ZNF438: variants seen among roughly 807,000 people sequenced by gnomAD.
The protein encoded by ZNF438 is zinc finger protein 438.
In ZNF438, 25 loss-of-function variants were observed where a neutral mutation model predicts 38.0. The ratio of observed to expected loss-of-function variants is 0.66; its 90% CI spans 0.48 to 0.92. The LOEUF is 0.92. ZNF438 is among the 40% of genes least tolerant of loss of function. The pLI is 0.00. For missense variants in ZNF438, 1,007 were observed against 999.6 expected (o/e 1.01, Z -0.10); for synonymous variants, 372 against 364.1 (o/e 1.02, Z -0.25).
chr10:30,918,672 C>T (rs566878538), intron 2 of ZNF438, among the ~76,000 whole-genome samples: 1 of 152,050 alleles, frequency 6.6e-6, no homozygotes, highest in African/African-American at 2.4e-5. Flanking sequence ...GTAAACAAGA[C>T]AAGAATTTCT....
At chr10:30,988,862 G>C (rs1444647445) in intron 1 of ZNF438, among the ~76,000 whole-genome samples, 1 of 152,004 alleles carries the variant, frequency 6.6e-6, no homozygotes, top group East Asian at 1.9e-4. Flanking sequence ...CTTTGGATAG[G>C]TTATGATGGC....
At chr10:30,863,596 T>C (rs2035936176) in intron 4 of ZNF438, among the ~76,000 whole-genome samples, 1 of 152,258 alleles carries the variant, frequency 6.6e-6, no homozygotes, top group Non-Finnish European at 1.5e-5. Context: ...GGAATATCTA[T>C]TCTCATCCAC....
intron 2 of ZNF438, among the ~76,000 whole-genome samples, chr10:30,916,770 G>A (rs1282161796): frequency 6.6e-6 from 1 of 152,132 alleles, no homozygotes; most frequent in Non-Finnish European, 1.5e-5. Context: ...AACATATTAT[G>A]TATTTCTCTA....
rs746813371 is a variant in ZNF438, at chr10:30,844,976, A to C, written c.2472T>G (p.Ser824Arg). ...CCTTGGGGTCTCATTTCTCAGCTTC[A>C]CTGGAAAGTTCGATCACTCCCTGGT... Residue 824 changes from serine to arginine, a missense_variant, in exon 6 of 6, where the codon AGT becomes AGG. Ser to Arg is a moderately radical substitution (Grantham distance 110, BLOSUM62 -1). Transcript: ENST00000413025. 4 of 1,613,572 alleles carry C rather than the reference A, an allele frequency of 2.5e-6. No individual in the cohort carries two copies. Among genetic ancestry groups the C allele is most frequent in the Non-Finnish European group, 3.4e-6 (4 of 1,179,712 alleles).
At chr10:30,844,995 C>T in exon 6 of ZNF438, 1 of 1,614,118 alleles carries the variant, frequency 6.2e-7, no homozygotes, top group Non-Finnish European at 8.5e-7. Flanking sequence ...TTCGATCACT[C>T]CCTGGTTGGA....
At chr10:31,004,281 A>G (rs2054921332) in intron 1 of ZNF438, among the ~76,000 whole-genome samples, 1 of 152,214 alleles carries the variant, frequency 6.6e-6, no homozygotes, top group South Asian at 2.1e-4. Flanking sequence ...AGAGATAATA[A>G]GACTTACACA....
chr10:30,857,160 AGTT>A (rs1392852046), intron 4 of ZNF438, among the ~76,000 whole-genome samples: 2 of 152,118 alleles, frequency 1.3e-5, no homozygotes, highest in Non-Finnish European at 2.9e-5. Flanking sequence ...TTATATGTAA[AGTT>A]GTCTGAATTT....
At chr10:30,998,760 A>G (rs2054335387) in intron 1 of ZNF438, among the ~76,000 whole-genome samples, 1 of 152,034 alleles carries the variant, frequency 6.6e-6, no homozygotes, top group Non-Finnish European at 1.5e-5. Flanking sequence ...TCTGTTTATA[A>G]CAATTTTCAT....
intron 3 of ZNF438, among the ~76,000 whole-genome samples, chr10:30,882,537 T>A (rs1051373514): frequency 6.6e-6 from 1 of 152,154 alleles, no homozygotes; most frequent in Non-Finnish European, 1.5e-5. Flanking sequence ...TTGACCTACA[T>A]CACAATAGAA....
exon 6 of ZNF438, chr10:30,845,404 T>A (rs199948851): frequency 6.2e-7 from 1 of 1,614,004 alleles, no homozygotes; most frequent in Admixed American, 1.7e-5. Context: ...CCTGGGAAGG[T>A]CCCTTCTTGT....
intron 1 of ZNF438, among the ~76,000 whole-genome samples, chr10:31,027,603 C>A (rs1159754612): frequency 1.3e-5 from 2 of 152,064 alleles, no homozygotes; most frequent in Non-Finnish European, 2.9e-5. Flanking sequence ...AGGCTATTGA[C>A]TATGCAATTT....
chr10:30,845,243 A>ATTC, exon 6 of ZNF438: 1 of 1,614,118 alleles, frequency 6.2e-7, no homozygotes. Flanking sequence ...TTTCCACGCC[A>ATTC]TTCTGATGAA....
At chr10:30,941,059 C>CATTTT (rs58041161) in intron 2 of ZNF438, among the ~76,000 whole-genome samples, 2,773 of 150,342 alleles carry the variant, frequency 0.018, 79 homozygotes, top group African/African-American at 0.059. Context: ...TAAAACTGAA[C>CATTTT]ATTTTATTTT....
At chr10:30,995,414 T>C (rs1430723842) in intron 1 of ZNF438, among the ~76,000 whole-genome samples, 1 of 152,184 alleles carries the variant, frequency 6.6e-6, no homozygotes, top group African/African-American at 2.4e-5. Context: ...CAATACTGTG[T>C]TTTTAAAATA....
intron 1 of ZNF438, among the ~76,000 whole-genome samples, chr10:30,968,669 C>T (rs980047969): frequency 2.6e-5 from 4 of 151,864 alleles, no homozygotes; most frequent in Admixed American, 6.6e-5. Context: ...CTCAAACTCC[C>T]GACCTCAGGT....
At chr10:30,849,259 T>A (rs1240038664) in exon 5 of ZNF438, 1 of 1,614,120 alleles carries the variant, frequency 6.2e-7, no homozygotes, top group Non-Finnish European at 8.5e-7. Context: ...TTCTTCCTTT[T>A]CTCTTTGCTG....
In ZNF438 at chr10:30,906,549, T is replaced by A. The variant is rs150892241; in HGVS notation, c.-32+2384A>T. ...ACGTTTTTCTTCTGGCTTTCCAATC[T>A]GGATGCTTTTCTTTTTCTTACCTAA... On this transcript the variant is annotated intron_variant, in intron 3 of 5. Transcript: ENST00000413025. Among the ~76,000 whole-genome samples, 356 of 152,322 alleles carry A rather than the reference T, an allele frequency of 2.3e-3. 2 individuals carry two copies. Among genetic ancestry groups the A allele is most frequent in the Middle Eastern group, 6.8e-3 (2 of 294 alleles).
intron 1 of ZNF438, among the ~76,000 whole-genome samples, chr10:31,014,582 T>C (rs2056024318): frequency 1.3e-5 from 2 of 152,114 alleles, no homozygotes; most frequent in South Asian, 4.1e-4. Context: ...GGGGATCCAA[T>C]TCAGTCCATA....
intron 1 of ZNF438, among the ~76,000 whole-genome samples, chr10:30,972,435 C>T (rs1245192157): frequency 6.6e-6 from 1 of 152,172 alleles, no homozygotes; most frequent in Admixed American, 6.5e-5. Flanking sequence ...AACTTTTCTT[C>T]TAGTTCACAG....
Sources: gnomAD v4.1 joint callset for allele counts (sites outside exome capture counted in the v4.1 genomes callset) on GRCh38, gnomAD v4.1.1 for gene constraint, MANE v1.5 for transcripts, NCBI Gene and HGNC (gene_info 2026-07-23, HGNC 2026-07-21) for gene names.